Variants in KLF13 observed in about 807,000 individuals in gnomAD.
KLF13 encodes KLF transcription factor 13.
KLF13 carries 8 observed loss-of-function variants against 16.7 expected under a neutral mutation model. The ratio of observed to expected loss-of-function variants is 0.48; its 90% CI spans 0.28 to 0.87. The LOEUF is 0.87. Among genes scored for constraint, KLF13 ranks in the 40% least tolerant of loss-of-function variants. KLF13 has a pLI of 0.10. For synonymous variants in KLF13, 245 were observed against 208.4 expected (o/e 1.18, Z -1.51); for missense variants, 447 against 452.2 (o/e 0.99, Z 0.10).
intron 1 of KLF13, among the ~76,000 whole-genome samples, chr15:31,413,187 C>CAAAAAAAAAAAAAAAGAA (rs1161762538): frequency 1.6e-5 from 1 of 63,350 alleles, no homozygotes; most frequent in Non-Finnish European, 3.7e-5. Flanking sequence ...AATGAATAGA[C>CAAAAAAAAAAAAAAAGAA]AAAAAAAAAA....
downstream of KLF13, among the ~76,000 whole-genome samples, chr15:31,409,053 G>A (rs2040161634): frequency 6.6e-6 from 1 of 152,284 alleles, no homozygotes; most frequent in South Asian, 2.1e-4. Flanking sequence ...GGGAGCCTGA[G>A]GTGTGTGGAT....
intron 2 of KLF13, among the ~76,000 whole-genome samples, chr15:31,397,818 A>C (rs965897779): frequency 7.4e-6 from 1 of 134,732 alleles, no homozygotes; most frequent in African/African-American, 2.8e-5. Context: ...GGAGGGGGTC[A>C]GAGTTAGGAG....
chr15:31,354,216 C>T (rs1595467613), intron 1 of KLF13, among the ~76,000 whole-genome samples: 1 of 152,214 alleles, frequency 6.6e-6, no homozygotes, highest in Non-Finnish European at 1.5e-5. Context: ...CTTTGCCTGC[C>T]TGGGGCAGGG....
At chr15:31,332,306 C>T (rs1163536508) in intron 1 of KLF13, among the ~76,000 whole-genome samples, 3 of 152,246 alleles carry the variant, frequency 2.0e-5, no homozygotes, top group East Asian at 1.9e-4. Context: ...ATGTTTCCTT[C>T]TCCCAATTCT....
rs554307887 is a variant in KLF13, at chr15:31,375,944, C to T, written c.*3645C>T. On this transcript the variant is annotated 3_prime_UTR_variant, in exon 2 of 2. Transcript: ENST00000307145. ...ACACCGAGGCAGGTGCAGGATTCGC[C>T]ATGGTGCAGCCTCCGGGTACAAACA... The T allele has an allele frequency of 1.8e-4, 28 of 152,468 alleles. No homozygotes were observed. The highest frequency in any genetic ancestry group is 6.5e-4 in the African/African-American group (27 of 41,550). 9.4% of individuals were successfully genotyped at this position (152,468 alleles called of 1,614,324 possible).
intron 1 of KLF13, among the ~76,000 whole-genome samples, chr15:31,351,930 T>C (rs2039223355): frequency 6.6e-6 from 1 of 151,786 alleles, no homozygotes; most frequent in African/African-American, 2.4e-5. Flanking sequence ...GAGAATTGCT[T>C]GAACCCAGGA....
intron 1 of KLF13, among the ~76,000 whole-genome samples, chr15:31,426,409 C>T (rs2040402208): frequency 6.6e-6 from 1 of 152,088 alleles, no homozygotes; most frequent in African/African-American, 2.4e-5. Flanking sequence ...GCAATACTTT[C>T]CTGGATATGA....
rs115919120 is a variant in KLF13, at chr15:31,329,709, C to T, written c.577+1920C>T. Among the ~76,000 whole-genome samples, 384 of 152,336 alleles carry T rather than the reference C, an allele frequency of 2.5e-3. 1 individual carries two copies. The highest frequency in any genetic ancestry group is 8.8e-3 in the African/African-American group (365 of 41,586). ...GAAACCGAAGGCAGGCAAAAGAGCACGGGACCAACCCTTTGAGTGTCTGCA... is the reference window on the plus strand; with the variant it reads ...GAAACCGAAGGCAGGCAAAAGAGCATGGGACCAACCCTTTGAGTGTCTGCA... On this transcript the variant is annotated intron_variant, in intron 1 of 1. Coordinates refer to ENST00000307145, the MANE Select transcript of KLF13 (RefSeq NM_015995.4).
Position 31,327,449 on chromosome 15 carries a change from C to T in KLF13, c.237C>T (p.Ala79=), listed in dbSNP as rs1399192571. ...TCAACCAGCAAGCGCCGGCGCCCGC[C>T]CCGGCGGAGCGCAGGGAGGGCGCCG... is the stretch of plus-strand genomic sequence containing the variant. The part of the protein sequence containing the change: ...ADLNQQAPAP[A]PAERREGAAA... The change falls in exon 1 of 2, where the codon GCC becomes GCT. Residue 79 remains alanine (A), a synonymous_variant. Coordinates refer to ENST00000307145, the MANE Select transcript of KLF13 (RefSeq NM_015995.4). 1.6e-6 allele frequency: 2 copies of T among 1,242,844 alleles called. No individual in the cohort carries two copies. Among genetic ancestry groups the T allele is most frequent in the African/African-American group, 3.2e-5 (2 of 62,954 alleles). 77.0% of individuals were successfully genotyped at this position (1,242,844 alleles called of 1,614,324 possible).
At chr15:31,420,651 G>A in intron 1 of KLF13, 1 of 380,642 alleles carries the variant, frequency 2.6e-6, no homozygotes, top group South Asian at 2.3e-5. Context: ...TTACCAGCCA[G>A]GACCCCTGAC....
intron 1 of KLF13, among the ~76,000 whole-genome samples, chr15:31,422,132 C>CA (rs72041709): frequency 5.1e-5 from 4 of 77,828 alleles, no homozygotes; most frequent in Non-Finnish European, 7.7e-5. Flanking sequence ...AACAAACAAA[C>CA]AAAAAAAAAA....
chr15:31,326,976 C>A lies in KLF13; in HGVS notation c.-237C>A, dbSNP rs2038718670. On this transcript the variant is annotated 5_prime_UTR_variant, in exon 1 of 2. Coordinates refer to ENST00000307145, the MANE Select transcript of KLF13 (RefSeq NM_015995.4). ...CCGCCCCTGACGCCGCGCGGGGACC[C>A]CAGTCGCCCGCGCGCCCCATGCGCT... The A allele has an allele frequency of 5.9e-6, 1 of 169,620 alleles. No homozygotes were observed. Among genetic ancestry groups the A allele is most frequent in the African/African-American group, 2.4e-5 (1 of 41,526 alleles). 10.5% of individuals were successfully genotyped at this position (169,620 alleles called of 1,614,324 possible).
chr15:31,358,069 G>A (rs988562116), intron 1 of KLF13, among the ~76,000 whole-genome samples: 8 of 152,204 alleles, frequency 5.3e-5, no homozygotes, highest in Non-Finnish European at 1.2e-4. Flanking sequence ...GGCGTGGGGA[G>A]AGATGAGGGT....
intron 1 of KLF13, among the ~76,000 whole-genome samples, chr15:31,367,151 C>T (rs563921306): frequency 1.2e-4 from 18 of 152,336 alleles, no homozygotes; most frequent in African/African-American, 4.1e-4. Flanking sequence ...TCTCCCTTCT[C>T]TGGGCTGCTC....
rs113926078 is a variant in KLF13, at chr15:31,327,589, A to G, written c.377A>G (p.Glu126Gly). 2 of 1,226,892 alleles carry G rather than the reference A, an allele frequency of 1.6e-6. No individual in the cohort carries two copies. Among genetic ancestry groups the G allele is most frequent in the Admixed American group, 4.5e-5 (1 of 22,328 alleles). 76.0% of individuals were successfully genotyped at this position (1,226,892 alleles called of 1,614,324 possible). ...CCCAGCCCGGCGTGGAGCGAGCCGG[A>G]GCCCGAGGCGGGGCTGGAGCCCGAG... ...APPSPAWSEPEPEAGLEPERE... is the reference protein window; with the variant it reads ...APPSPAWSEPGPEAGLEPERE... Residue 126 changes from glutamate (E) to glycine (G), a missense_variant, in exon 1 of 2, where the codon GAG (glutamate) becomes GGG (glycine). Glu to Gly is a moderately conservative substitution (Grantham distance 98, BLOSUM62 -2). Coordinates refer to ENST00000307145, the MANE Select transcript of KLF13 (RefSeq NM_015995.4).
At chr15:31,333,623 G>GCC (rs2038873557) in intron 1 of KLF13, among the ~76,000 whole-genome samples, 1 of 151,012 alleles carries the variant, frequency 6.6e-6, no homozygotes, top group South Asian at 2.1e-4. Flanking sequence ...TTTCCATCTC[G>GCC]CCTCTCTCTT....
At chr15:31,337,462 G>T (rs1176083301) in intron 1 of KLF13, among the ~76,000 whole-genome samples, 1 of 151,894 alleles carries the variant, frequency 6.6e-6, no homozygotes, top group Non-Finnish European at 1.5e-5. Flanking sequence ...TTGCATGGCA[G>T]GCCCTTTCTA....
In KLF13 at chr15:31,423,146, T is replaced by TATATATAC. The variant is rs1566848368; in HGVS notation, n.118-12223_118-12216dup. Among the ~76,000 whole-genome samples the TATATATAC allele has an allele frequency of 2.4e-4, 24 of 102,022 alleles. 6 individuals carry two copies. Among genetic ancestry groups the TATATATAC allele is most frequent in the African/African-American group, 1.5e-3 (24 of 15,942 alleles). The allele number at this position is 102,022 out of a possible 152,430, so 66.9% of individuals were successfully genotyped here. On this transcript the variant is annotated intron_variant and non_coding_transcript_variant, in intron 1 of 1. Coordinates refer to the KLF13 transcript ENST00000558225. ...ACGTATATATACGTATACGTATACG[T>TATATATAC]ATATATACGTATATATATGTATATA...
chr15:31,420,848 A>G (rs2040313897), intron 1 of KLF13, among the ~76,000 whole-genome samples: 1 of 152,042 alleles, frequency 6.6e-6, no homozygotes, highest in Non-Finnish European at 1.5e-5. Context: ...ACCTGCCACC[A>G]TGCCCGGCTA....
Sources: allele counts gnomAD v4.1 joint callset (sites outside exome capture counted in the v4.1 genomes callset), GRCh38; gene constraint gnomAD v4.1.1; transcripts MANE v1.5; gene names NCBI Gene and HGNC (gene_info 2026-07-23, HGNC 2026-07-21).